SYNPR: variants seen among roughly 807,000 people sequenced by gnomAD.
SYNPR encodes synaptoporin.
SYNPR carries 23 observed loss-of-function variants against 32.9 expected under a neutral mutation model. The observed-to-expected ratio is 0.70, with a 90% CI of 0.50 to 0.99. The LOEUF (loss-of-function observed/expected upper bound fraction) is 0.99. Ranked by LOEUF, SYNPR falls within the 50% of genes least tolerant of loss-of-function variation. SYNPR has a pLI of 0.00. For missense variants in SYNPR, 318 were observed against 349.3 expected (o/e 0.91, Z 0.71); for synonymous variants, 146 against 135.9 (o/e 1.07, Z -0.52).
intron 2 of SYNPR, among the ~76,000 whole-genome samples, chr3:63,382,793 T>C (rs2087988720): frequency 6.6e-6 from 1 of 152,182 alleles, no homozygotes; most frequent in African/African-American, 2.4e-5. Context: ...GTCCACTCCA[T>C]CTTCCCTCTG....
intron 2 of SYNPR, among the ~76,000 whole-genome samples, chr3:63,478,476 A>G (rs1012055776): frequency 4.5e-4 from 68 of 152,300 alleles, no homozygotes; most frequent in African/African-American, 1.5e-3. Flanking sequence ...GCCTCACAAT[A>G]TTGTTGCCAC....
At chr3:63,533,417 C>T (rs115151041) in intron 3 of SYNPR, among the ~76,000 whole-genome samples, 1 of 152,098 alleles carries the variant, frequency 6.6e-6, no homozygotes, top group African/African-American at 2.4e-5. Flanking sequence ...GCAACAAAAA[C>T]GTGCATATGG....
upstream of SYNPR, among the ~76,000 whole-genome samples, chr3:63,275,063 A>G (rs1222378696): frequency 6.6e-6 from 1 of 152,196 alleles, no homozygotes; most frequent in Non-Finnish European, 1.5e-5. Flanking sequence ...ACTAAAATGG[A>G]TCATTTATGC....
At chr3:63,288,239 G>A (rs1358892283) in intron 2 of SYNPR, among the ~76,000 whole-genome samples, 1 of 152,172 alleles carries the variant, frequency 6.6e-6, no homozygotes, top group Non-Finnish European at 1.5e-5. Flanking sequence ...GAATAAAAAG[G>A]GTCATGATAT....
chr3:63,435,102 C>T (rs1325323933), intron 2 of SYNPR, among the ~76,000 whole-genome samples: 1 of 152,190 alleles, frequency 6.6e-6, no homozygotes. Context: ...ATGCCCATCT[C>T]CCACCTTGTA....
chr3:63,221,861 G>A, the SYNPR span, among the ~76,000 whole-genome samples: 1 of 151,972 alleles, frequency 6.6e-6, no homozygotes, highest in Non-Finnish European at 1.5e-5. Context: ...GAGCTATAGG[G>A]ATAACTAAAT....
chr3:63,493,264 A>C (rs1410723440), intron 3 of SYNPR, among the ~76,000 whole-genome samples: 1 of 152,106 alleles, frequency 6.6e-6, no homozygotes, highest in East Asian at 1.9e-4. Context: ...GAGAGGTTCA[A>C]ACAGAGAGGA....
At chr3:63,586,654 ATGTGTGTG>A (rs10530383) in intron 4 of SYNPR, among the ~76,000 whole-genome samples, 3 of 143,654 alleles carry the variant, frequency 2.1e-5, no homozygotes, top group Non-Finnish European at 4.6e-5. Flanking sequence ...TGCAGATTCA[ATGTGTGTG>A]TGTGTGTGTG....
At chr3:63,553,149 G>A (rs1007987739) in intron 3 of SYNPR, among the ~76,000 whole-genome samples, 2 of 152,024 alleles carry the variant, frequency 1.3e-5, no homozygotes, top group Admixed American at 1.3e-4. Flanking sequence ...GTCTGTGTGT[G>A]CTTCATGTTT....
intron 2 of SYNPR, among the ~76,000 whole-genome samples, chr3:63,351,109 G>C (rs570033666): frequency 6.6e-6 from 1 of 152,082 alleles, no homozygotes; most frequent in Admixed American, 6.5e-5. Flanking sequence ...CCTGATCTTC[G>C]TTGGTTTTAC....
At chr3:63,319,719 A>G (rs985941946) in intron 2 of SYNPR, among the ~76,000 whole-genome samples, 17 of 152,054 alleles carry the variant, frequency 1.1e-4, no homozygotes, top group African/African-American at 4.1e-4. Context: ...TACAGAGTCA[A>G]TGCAATTCCT....
chr3:63,450,270 T>G (rs1447967498), intron 2 of SYNPR, among the ~76,000 whole-genome samples: 1 of 152,084 alleles, frequency 6.6e-6, no homozygotes, highest in Non-Finnish European at 1.5e-5. Flanking sequence ...GGTTTTGAAG[T>G]CGGATGGATC....
At chr3:63,229,143 T>G (rs1040257688) in intron 1 of SYNPR, among the ~76,000 whole-genome samples, 1 of 152,130 alleles carries the variant, frequency 6.6e-6, no homozygotes, top group African/African-American at 2.4e-5. Context: ...ATTTATAGCC[T>G]TGGGCAAAAA....
intron 2 of SYNPR, among the ~76,000 whole-genome samples, chr3:63,253,694 TAAG>T (rs2086357124): frequency 6.6e-6 from 1 of 152,104 alleles, no homozygotes; most frequent in South Asian, 2.1e-4. Context: ...TGTGGAGAAA[TAAG>T]AACACTTTTA....
chr3:63,460,073 A>T (rs1021757352), intron 2 of SYNPR, among the ~76,000 whole-genome samples: 1 of 152,082 alleles, frequency 6.6e-6, no homozygotes, highest in African/African-American at 2.4e-5. Flanking sequence ...ACCTTCCTCC[A>T]AGCTATTCTC....
At chr3:63,245,257 A>T (rs11922604) in intron 1 of SYNPR, among the ~76,000 whole-genome samples, 79,633 of 151,708 alleles carry the variant, frequency 0.52, 21,676 homozygotes, top group Non-Finnish European at 0.58. Flanking sequence ...TTGGTAATCA[A>T]CTTTATTTAC....
intron 2 of SYNPR, among the ~76,000 whole-genome samples, chr3:63,355,136 G>T (rs1353302401): frequency 6.6e-6 from 1 of 151,900 alleles, no homozygotes; most frequent in Non-Finnish European, 1.5e-5. Context: ...AAAATTAGCC[G>T]GGCATGGTGG....
rs577587488 is a variant in SYNPR, at chr3:63,497,920, C to T, written c.209+16964C>T. On this transcript the variant is annotated intron_variant, in intron 3 of 5. Coordinates refer to ENST00000478300, the MANE Select transcript of SYNPR (RefSeq NM_001130003.2). Reference sequence around the variant, plus strand: ...AATCACTTCAATTTTCAACCAAATGCTGCTAGCCAGATAAACAGTGTGTCT... The same window carrying T: ...AATCACTTCAATTTTCAACCAAATGTTGCTAGCCAGATAAACAGTGTGTCT... Among the ~76,000 whole-genome samples, 52 of 152,268 alleles carry T rather than the reference C, an allele frequency of 3.4e-4. 1 individual carries two copies. The South Asian group carries it at 0.01, about 30-fold the overall frequency.
chr3:63,370,187 T>C (rs969391037), intron 2 of SYNPR, among the ~76,000 whole-genome samples: 1 of 152,162 alleles, frequency 6.6e-6, no homozygotes. Flanking sequence ...GAAGTGGACA[T>C]GTTAATCCCC....
Sources: gnomAD v4.1 joint callset for allele counts (sites outside exome capture counted in the v4.1 genomes callset) on GRCh38, gnomAD v4.1.1 for gene constraint, MANE v1.5 for transcripts, NCBI Gene and HGNC (gene_info 2026-07-23, HGNC 2026-07-21) for gene names.